RGS6: variants seen among roughly 807,000 people sequenced by gnomAD.
The protein encoded by RGS6 is regulator of G-protein signaling 6.
In RGS6, 30 loss-of-function variants were observed where a neutral mutation model predicts 78.5. The ratio of observed to expected loss-of-function variants is 0.38; its 90% CI spans 0.29 to 0.52. RGS6 has a LOEUF of 0.52. RGS6 is among the 20% of genes least tolerant of loss of function. The pLI is 0.85. For synonymous variants in RGS6, 206 were observed against 206.0 expected, an observed-to-expected ratio of 1.00 and a Z score of 0.00; for missense variants, 495 against 609.7, an observed-to-expected ratio of 0.81 and a Z score of 1.98.
chr14:72,581,519 G>A, the RGS6 span, among the ~76,000 whole-genome samples: 1 of 152,128 alleles, frequency 6.6e-6, no homozygotes, highest in Non-Finnish European at 1.5e-5. Flanking sequence ...GTCTGATCCT[G>A]TAATGCCTCT....
chr14:72,339,409 C>T (rs2681771), intron 2 of RGS6, among the ~76,000 whole-genome samples: 23 of 151,942 alleles, frequency 1.5e-4, no homozygotes, highest in Admixed American at 9.2e-4. Flanking sequence ...TAAGTTACCC[C>T]GGCAAAGATA....
At chr14:72,542,904 A>C (rs933669775) in intron 17 of RGS6, among the ~76,000 whole-genome samples, 1 of 151,506 alleles carries the variant, frequency 6.6e-6, no homozygotes, top group Non-Finnish European at 1.5e-5. Context: ...GGAGACATTT[A>C]ATATGGTTCA....
At chr14:71,888,214 G>A in the RGS6 span, among the ~76,000 whole-genome samples, 1 of 152,192 alleles carries the variant, frequency 6.6e-6, no homozygotes, top group East Asian at 1.9e-4. Context: ...CTGCACTCCA[G>A]CCTGGGCAAA....
At chr14:72,477,447 G>A (rs1201251713) in intron 11 of RGS6, among the ~76,000 whole-genome samples, 1 of 151,610 alleles carries the variant, frequency 6.6e-6, no homozygotes, top group African/African-American at 2.4e-5. Flanking sequence ...GCTTGCCCTT[G>A]ACAAGTTTAT....
At chr14:72,316,896 AGTGTGTGTGTGTGTGTGT>A (rs71109731) in intron 2 of RGS6, among the ~76,000 whole-genome samples, 5 of 141,924 alleles carry the variant, frequency 3.5e-5, no homozygotes, top group South Asian at 2.4e-4. Flanking sequence ...AAGCAGGTGA[AGTGTGTGTGTGTGTGTGT>A]GTGTGTGTGT....
the RGS6 span, chr14:72,619,426 C>T: frequency 6.6e-7 from 1 of 1,510,230 alleles, no homozygotes; most frequent in Non-Finnish European, 8.9e-7. Context: ...AGCCCCACCC[C>T]ACTGGCCCTA....
intron 13 of RGS6, among the ~76,000 whole-genome samples, chr14:72,498,086 C>T (rs2096668621): frequency 6.6e-6 from 1 of 152,070 alleles, no homozygotes; most frequent in African/African-American, 2.4e-5. Context: ...TTTTTCTTTT[C>T]CCACTGAGTG....
At chr14:72,465,651 T>TGGAA (rs2095889068) in intron 6 of RGS6, 107 bp from the exon 7 acceptor site, 1 of 747,642 alleles carries the variant, frequency 1.3e-6, no homozygotes, top group South Asian at 1.6e-5. Context: ...GATGGATGGA[T>TGGAA]GGATGGATGG....
At chr14:72,578,830 G>A in the RGS6 span, among the ~76,000 whole-genome samples, 1 of 152,192 alleles carries the variant, frequency 6.6e-6, no homozygotes, top group Non-Finnish European at 1.5e-5. Flanking sequence ...TTTGTCAAAT[G>A]GACACTGATG....
intron 2 of RGS6, among the ~76,000 whole-genome samples, chr14:72,289,342 T>TCTCACTCTCTCTCCCC: frequency 6.6e-6 from 1 of 151,906 alleles, no homozygotes; most frequent in Non-Finnish European, 1.5e-5. Context: ...TCTCTCTCTC[T>TCTCACTCTCTCTCCCC]CTCTCTCACT....
intron 3 of RGS6, among the ~76,000 whole-genome samples, chr14:72,386,017 T>C (rs2087856023): frequency 1.3e-5 from 2 of 152,104 alleles, no homozygotes; most frequent in Admixed American, 1.3e-4. Context: ...AAAAATTTCA[T>C]GCCCCTGAAT....
intron 2 of RGS6, among the ~76,000 whole-genome samples, chr14:72,223,558 T>C (rs920316523): frequency 6.6e-6 from 1 of 152,228 alleles, no homozygotes; most frequent in African/African-American, 2.4e-5. Context: ...TGTGACCCAT[T>C]TAGAAACTAT....
At chr14:72,361,112 C>G (rs2081373063) in intron 3 of RGS6, among the ~76,000 whole-genome samples, 1 of 141,292 alleles carries the variant, frequency 7.1e-6, no homozygotes, top group African/African-American at 2.6e-5. Context: ...TCATAAATTA[C>G]CCAGTCTTGG....
chr14:72,022,433 G>A (rs1349082202), intron 2 of RGS6: 1 of 152,162 alleles, frequency 6.6e-6, no homozygotes, highest in African/African-American at 2.4e-5. Flanking sequence ...ACACTAGTGA[G>A]AAGGGAGAAA....
the RGS6 span, among the ~76,000 whole-genome samples, chr14:71,887,203 C>A: frequency 6.6e-6 from 1 of 152,146 alleles, no homozygotes; most frequent in East Asian, 1.9e-4. Flanking sequence ...ATTTCTTAAT[C>A]CTGTTATCTT....
intron 1 of RGS6, 34 bp from the exon 2 acceptor site, chr14:71,964,738 C>A: frequency 1.4e-6 from 2 of 1,439,520 alleles, no homozygotes; most frequent in South Asian, 1.3e-5. Flanking sequence ...ATAATTCCTT[C>A]GTGACTTAAT....
intron 2 of RGS6, among the ~76,000 whole-genome samples, chr14:72,326,329 G>A (rs771506567): frequency 1.8e-4 from 28 of 152,172 alleles, no homozygotes; most frequent in Non-Finnish European, 4.0e-4. Flanking sequence ...ATATATGCTT[G>A]TGTATGAATA....
At chr14:72,490,996 T>C (rs1472454043) in intron 12 of RGS6, among the ~76,000 whole-genome samples, 1 of 152,208 alleles carries the variant, frequency 6.6e-6, no homozygotes, top group Non-Finnish European at 1.5e-5. Flanking sequence ...TCCCAGGTGA[T>C]GCCAGTGCAG....
chr14:72,459,266 G>T (rs915093703), intron 5 of RGS6, among the ~76,000 whole-genome samples: 1 of 152,228 alleles, frequency 6.6e-6, no homozygotes, highest in South Asian at 2.1e-4. Context: ...ACCAAAGGGT[G>T]TGGGAGAAGA....
Sources: allele counts gnomAD v4.1 joint callset (sites outside exome capture counted in the v4.1 genomes callset), GRCh38; gene constraint gnomAD v4.1.1; transcripts MANE v1.5; gene names NCBI Gene and HGNC (gene_info 2026-07-23, HGNC 2026-07-21).